SPRYD7: variants seen among roughly 807,000 people sequenced by gnomAD.
SPRYD7 encodes the protein SPRY domain-containing protein 7.
Under a neutral mutation model 23.8 loss-of-function variants are expected in SPRYD7, and 14 were observed. The observed-to-expected ratio is 0.59, with a 90% CI of 0.39 to 0.92. The LOEUF is 0.92. Ranked by LOEUF, SPRYD7 falls within the 40% of genes least tolerant of loss-of-function variation. The probability of loss-of-function intolerance (pLI) is 0.00; values close to 1 mark genes in which losing one functional copy is unlikely to be tolerated. For synonymous variants in SPRYD7, 75 were observed against 84.9 expected (o/e 0.88, Z 0.64); for missense variants, 194 against 241.7 (o/e 0.80, Z 1.31).
At chr13:49,925,843 C>T (rs1955877399) in intron 3 of SPRYD7, among the ~76,000 whole-genome samples, 1 of 151,448 alleles carries the variant, frequency 6.6e-6, no homozygotes, top group Admixed American at 6.6e-5. Flanking sequence ...AGAAAGTGAG[C>T]ATAAACTGTT....
chr13:49,927,136 A>C lies in SPRYD7; in HGVS notation c.390+783T>G, dbSNP rs577223148. Among the ~76,000 whole-genome samples the C allele has an allele frequency of 4.6e-5, 7 of 152,336 alleles. No homozygotes were observed. In the South Asian group the frequency reaches 1.4e-3, roughly 32 times the overall value. ...TGAAGAGTTTAATTAGGTTAAGTTT[A>C]ATGAAGATGAACATTTCTGATAAAA... is the stretch of plus-strand genomic sequence containing the variant. On this transcript the variant is annotated intron_variant, in intron 3 of 4. Transcript: ENST00000361840.
At chr13:49,928,653 A>G (rs1417164573) in intron 2 of SPRYD7, among the ~76,000 whole-genome samples, 1 of 152,200 alleles carries the variant, frequency 6.6e-6, no homozygotes, top group African/African-American at 2.4e-5. Context: ...TTGCAAGGTA[A>G]TGAAAAGATA....
chr13:49,928,070 C>T lies in SPRYD7; in HGVS notation c.239G>A (p.Gly80Asp), dbSNP rs749906110. 1.9e-6 allele frequency: 3 copies of T among 1,613,884 alleles called. No individual in the cohort carries two copies. The highest frequency in any genetic ancestry group is 2.5e-6 in the Non-Finnish European group (3 of 1,179,888). The change falls in exon 3 of 5, where the codon GGT becomes GAT. Residue 80 changes from glycine to aspartate, a missense_variant. Physicochemically the swap from Gly to Asp is moderately conservative, Grantham distance 94. Transcript: ENST00000361840. ...KIQSTGIWGI[G>D]VATQKVNLNQ... is the part of the protein sequence containing the mutation. The stretch of plus-strand genomic sequence containing the variant: ...CAAGTTAACCTTCTGAGTTGCAACA[C>T]CAATACCCCAGATTCCTAAAAATAT...
Position 49,936,290 on chromosome 13 carries a change from C to A in SPRYD7, c.-55G>T. On this transcript the variant is annotated 5_prime_UTR_variant, in exon 1 of 5. Coordinates refer to ENST00000361840, the MANE Select transcript of SPRYD7 (RefSeq NM_020456.4). ...CCCTAGACCGAGGCGACACTGCCCC[C>A]CGCCGCTCAGCTCCGTCTCCTGCCC... 1 of 1,329,664 alleles carries A rather than the reference C, an allele frequency of 7.5e-7. No homozygotes were observed. Among genetic ancestry groups the A allele is most frequent in the Non-Finnish European group, 1.0e-6 (1 of 964,490 alleles). The allele number at this position is 1,329,664 out of a possible 1,614,324, so 82.4% of individuals were successfully genotyped here. A position where few individuals can be genotyped will look rare whatever the true frequency, so the allele number is the denominator to read the frequency against.
intron 1 of SPRYD7, among the ~76,000 whole-genome samples, chr13:49,932,932 T>C (rs1871446367): frequency 6.6e-6 from 1 of 152,196 alleles, no homozygotes; most frequent in South Asian, 2.1e-4. Flanking sequence ...ATAAATAATT[T>C]GCATCTGGCT....
intron 1 of SPRYD7, 31 bp downstream of exon 1, chr13:49,936,099 C>A: frequency 6.6e-7 from 1 of 1,523,572 alleles, no homozygotes; most frequent in Non-Finnish European, 8.8e-7. Context: ...CCCCCGTGAG[C>A]CGTTGGGTCT....
At chr13:49,934,919 T>A (rs1340097725) in intron 1 of SPRYD7, among the ~76,000 whole-genome samples, 1 of 152,242 alleles carries the variant, frequency 6.6e-6, no homozygotes, top group Non-Finnish European at 1.5e-5. Flanking sequence ...ATCACTTCAG[T>A]AAATGAGTAA....
At chr13:49,918,918 G>A (rs1955783996) in intron 4 of SPRYD7, among the ~76,000 whole-genome samples, 1 of 151,470 alleles carries the variant, frequency 6.6e-6, no homozygotes, top group African/African-American at 2.4e-5. Context: ...GTTTCACCAT[G>A]TTGGCCAGGC....
chr13:49,931,983 T>C (rs1871404025), intron 1 of SPRYD7, among the ~76,000 whole-genome samples: 2 of 152,238 alleles, frequency 1.3e-5, no homozygotes, highest in Non-Finnish European at 2.9e-5. Context: ...CTCTGAATTA[T>C]ATTGAACGTT....
chr13:49,919,486 G>A (rs1341681145), intron 4 of SPRYD7, among the ~76,000 whole-genome samples: 1 of 152,128 alleles, frequency 6.6e-6, no homozygotes, highest in Non-Finnish European at 1.5e-5. Context: ...GGAGGTTTCA[G>A]TGAGCCAAGA....
Position 49,921,456 on chromosome 13 carries a change from C to T in SPRYD7, c.493+22G>A, listed in dbSNP as rs535758599. 5.6e-6 allele frequency: 8 copies of T among 1,426,504 alleles called. No homozygotes were observed. In the Admixed American group the frequency reaches 8.4e-5, roughly 15 times the overall value. 88.4% of individuals were successfully genotyped at this position (1,426,504 alleles called of 1,614,324 possible). On this transcript the variant is annotated intron_variant, in intron 4 of 4. Coordinates refer to ENST00000361840, the MANE Select transcript of SPRYD7 (RefSeq NM_020456.4). ...ACAAGTTAATATGTATGTAATAATA[C>T]ATTAGAAATATTTTTGCTTACCATA...
chr13:49,936,158 C>CGGCA lies in SPRYD7; in HGVS notation c.74_77dup (p.Val28GlyfsTer42), dbSNP rs768921282. 5.6e-6 allele frequency: 9 copies of CGGCA among 1,607,606 alleles called. No individual in the cohort carries two copies. In the African/African-American group the frequency reaches 1.1e-4, roughly 19 times the overall value. On this transcript the variant is annotated frameshift_variant, in exon 1 of 5. Coordinates refer to ENST00000361840, the MANE Select transcript of SPRYD7 (RefSeq NM_020456.4). LOFTEE classifies it high-confidence loss of function. ...TGTGCTGCGTGTCCAGCTGCACGGC[C>CGGCA]GGCATCTCCTTCAGAGGGATGTGGC...
intron 1 of SPRYD7, 82 bp downstream of exon 1, chr13:49,936,048 G>A (rs969006280): frequency 8.7e-5 from 77 of 883,472 alleles, no homozygotes; most frequent in South Asian, 2.7e-4. Flanking sequence ...GCAGCGTGGG[G>A]ACCCTCTGAC....
At chr13:49,932,993 A>G (rs1379131679) in intron 1 of SPRYD7, among the ~76,000 whole-genome samples, 1 of 152,192 alleles carries the variant, frequency 6.6e-6, no homozygotes, top group Admixed American at 6.5e-5. Context: ...CCTTGATGGC[A>G]AAGACCATGC....
At chr13:49,927,364 T>C (rs1212831618) in intron 3 of SPRYD7, among the ~76,000 whole-genome samples, 1 of 151,788 alleles carries the variant, frequency 6.6e-6, no homozygotes, top group Admixed American at 6.6e-5. Context: ...GGCCTGGTGG[T>C]GTGCGCCTGT....
intron 4 of SPRYD7, among the ~76,000 whole-genome samples, chr13:49,916,040 G>A (rs1035015944): frequency 1.3e-5 from 2 of 152,154 alleles, no homozygotes; most frequent in African/African-American, 4.8e-5. Flanking sequence ...GGTTGGGGCT[G>A]GGGTAGGGAG....
Position 49,913,286 on chromosome 13 carries a change from G to C in SPRYD7, c.*1777C>G, listed in dbSNP as rs1955712244. 1 of 151,986 alleles carries C rather than the reference G, an allele frequency of 6.6e-6. No individual in the cohort carries two copies. Among genetic ancestry groups the C allele is most frequent in the Non-Finnish European group, 1.5e-5 (1 of 68,100 alleles). 9.4% of individuals were successfully genotyped at this position (151,986 alleles called of 1,614,324 possible). On this transcript the variant is annotated 3_prime_UTR_variant, in exon 5 of 5. Coordinates refer to ENST00000361840, the MANE Select transcript of SPRYD7 (RefSeq NM_020456.4). ...AATACAAAAATTACACGGGCGTGGT[G>C]GCGGGCACCTGTAGTCCCACCTACT...
intron 3 of SPRYD7, 90 bp from the exon 4 acceptor site, chr13:49,921,670 A>G: frequency 1.3e-6 from 1 of 765,474 alleles, no homozygotes. Flanking sequence ...AGCTAAGCAT[A>G]GGCTGACAAC....
At position 49,915,430 on chromosome 13, in the gene SPRYD7, A is replaced by AT. The variant is rs959142040; in HGVS notation, c.494-271dup. Reference sequence around the variant, plus strand: ...TCTCAAGAGGATGTGAATATGGGTAATTTTTTTCTTATTTGCTTATCTGCA... The same window carrying AT: ...TCTCAAGAGGATGTGAATATGGGTAATTTTTTTTCTTATTTGCTTATCTGCA... On this transcript the variant is annotated intron_variant, in intron 4 of 4. Coordinates refer to ENST00000361840, the MANE Select transcript of SPRYD7 (RefSeq NM_020456.4). 2.0e-3 allele frequency among the ~76,000 whole-genome samples: 311 copies of AT among 152,206 alleles called. 1 individual carries two copies. Among genetic ancestry groups the AT allele is most frequent in the African/African-American group, 7.0e-3 (291 of 41,536 alleles).
Sources: allele counts gnomAD v4.1 joint callset (sites outside exome capture counted in the v4.1 genomes callset), GRCh38; gene constraint gnomAD v4.1.1; transcripts MANE v1.5; gene names NCBI Gene and HGNC (gene_info 2026-07-23, HGNC 2026-07-21).